Variants in THSD7B observed in about 807,000 individuals in gnomAD.
THSD7B encodes thrombospondin type-1 domain-containing protein 7B.
In THSD7B, 138 loss-of-function variants were observed where a neutral mutation model predicts 213.6. The ratio of observed to expected loss-of-function variants is 0.65; its 90% CI spans 0.56 to 0.74. THSD7B has a LOEUF of 0.74. THSD7B is among the 30% of genes least tolerant of loss of function. The pLI, the probability that THSD7B is intolerant of heterozygous loss-of-function variation, is 0.00. For missense variants in THSD7B, 1,931 were observed against 1,991.5 expected (o/e 0.97, Z 0.58); for synonymous variants, 742 against 687.0 (o/e 1.08, Z -1.25).
intron 2 of THSD7B, among the ~76,000 whole-genome samples, chr2:136,949,460 C>A (rs569586433): frequency 6.6e-6 from 1 of 152,290 alleles, no homozygotes; most frequent in South Asian, 2.1e-4. Flanking sequence ...ACTGAAATTT[C>A]GGAGGGTTGT....
chr2:137,009,569 C>T (rs555206722), intron 2 of THSD7B, among the ~76,000 whole-genome samples: 58 of 152,174 alleles, frequency 3.8e-4, no homozygotes, highest in Non-Finnish European at 6.8e-4. Flanking sequence ...CTGAGGAGGC[C>T]TCATAATCAT....
chr2:137,327,774 T>G (rs1684404937), intron 12 of THSD7B, among the ~76,000 whole-genome samples: 1 of 152,230 alleles, frequency 6.6e-6, no homozygotes, highest in African/African-American at 2.4e-5. Context: ...GATAATAAAA[T>G]TAGTTATACT....
intron 2 of THSD7B, among the ~76,000 whole-genome samples, chr2:136,933,855 A>G (rs1274831703): frequency 6.6e-6 from 1 of 152,166 alleles, no homozygotes; most frequent in Admixed American, 6.5e-5. Flanking sequence ...AATGTATTCT[A>G]CTGACCCAGA....
chr2:136,767,942 T>C (rs1268531722), intron 1 of THSD7B, among the ~76,000 whole-genome samples: 1 of 151,578 alleles, frequency 6.6e-6, no homozygotes, highest in Non-Finnish European at 1.5e-5. Context: ...AAGTTGTTGA[T>C]TGTTAGAGAG....
At chr2:137,117,891 A>G (rs1282670449) in intron 5 of THSD7B, among the ~76,000 whole-genome samples, 1 of 152,178 alleles carries the variant, frequency 6.6e-6, no homozygotes, top group African/African-American at 2.4e-5. Context: ...AAATCCTGAC[A>G]TTGATATGGT....
chr2:136,910,291 A>G (rs1481560646), intron 2 of THSD7B, among the ~76,000 whole-genome samples: 1 of 152,064 alleles, frequency 6.6e-6, no homozygotes, highest in Admixed American at 6.6e-5. Flanking sequence ...AAGAAACAAA[A>G]CTGGATGTAT....
intron 15 of THSD7B, among the ~76,000 whole-genome samples, chr2:137,497,216 C>CAG (rs2105130432): frequency 3.7e-5 from 1 of 26,760 alleles, no homozygotes; most frequent in East Asian, 2.6e-3. Flanking sequence ...CACACAGACA[C>CAG]ACACACACAC....
At chr2:136,837,649 T>C (rs996996360) in intron 1 of THSD7B, among the ~76,000 whole-genome samples, 3 of 152,236 alleles carry the variant, frequency 2.0e-5, no homozygotes, top group Non-Finnish European at 4.4e-5. Flanking sequence ...GAAGCTCCAT[T>C]TGGACGTGGC....
At chr2:137,349,201 T>C (rs747343771) in intron 12 of THSD7B, among the ~76,000 whole-genome samples, 22 of 151,766 alleles carry the variant, frequency 1.4e-4, no homozygotes, top group Admixed American at 2.6e-4. Context: ...TGGGAAATCA[T>C]ATGTAAGCAA....
At chr2:137,285,761 C>A (rs941255837) in intron 12 of THSD7B, among the ~76,000 whole-genome samples, 1 of 152,056 alleles carries the variant, frequency 6.6e-6, no homozygotes, top group African/African-American at 2.4e-5. Flanking sequence ...CACAACATTT[C>A]ATAATCTAGT....
At chr2:137,334,972 G>A (rs1476063327) in intron 12 of THSD7B, among the ~76,000 whole-genome samples, 1 of 152,160 alleles carries the variant, frequency 6.6e-6, no homozygotes, top group East Asian at 1.9e-4. Context: ...CTCTCCTGCT[G>A]ACCTGTCAAG....
chr2:137,187,014 T>G (rs779833150), intron 7 of THSD7B, among the ~76,000 whole-genome samples: 1 of 148,524 alleles, frequency 6.7e-6, no homozygotes, highest in African/African-American at 2.6e-5. Flanking sequence ...AAGAGTAAAA[T>G]ATCTAGTGCC....
chr2:137,538,505 C>T (rs1310000718), intron 15 of THSD7B: 1 of 517,564 alleles, frequency 1.9e-6, no homozygotes, highest in Non-Finnish European at 3.9e-6. Context: ...GTTGGTGTTG[C>T]AATCTGTTTT....
chr2:137,270,927 A>C (rs1020475361), intron 10 of THSD7B, among the ~76,000 whole-genome samples: 1 of 152,158 alleles, frequency 6.6e-6, no homozygotes, highest in Non-Finnish European at 1.5e-5. Flanking sequence ...AACCATAGAA[A>C]AATTAAATAC....
chr2:137,492,460 TG>T (rs1679433569), intron 15 of THSD7B, among the ~76,000 whole-genome samples: 1 of 152,190 alleles, frequency 6.6e-6, no homozygotes, highest in Admixed American at 6.6e-5. Flanking sequence ...TGAAACAAGT[TG>T]TACTGTGGTA....
intron 7 of THSD7B, among the ~76,000 whole-genome samples, chr2:137,209,354 T>G (rs1681050972): frequency 6.6e-6 from 1 of 151,972 alleles, no homozygotes; most frequent in African/African-American, 2.4e-5. Flanking sequence ...ACAAGGTGTC[T>G]CTCCCCATTA....
At chr2:137,409,867 A>G (rs1300554959) in intron 13 of THSD7B, among the ~76,000 whole-genome samples, 1 of 152,208 alleles carries the variant, frequency 6.6e-6, no homozygotes, top group African/African-American at 2.4e-5. Flanking sequence ...TAGACCTTAA[A>G]GATAAGGAAT....
At chr2:137,381,857 C>T (rs1408566402) in intron 12 of THSD7B, among the ~76,000 whole-genome samples, 1 of 152,212 alleles carries the variant, frequency 6.6e-6, no homozygotes. Flanking sequence ...GTGCTGCAGC[C>T]AGGCTGGGGT....
intron 15 of THSD7B, among the ~76,000 whole-genome samples, chr2:137,485,884 C>A (rs1027712496): frequency 2.0e-5 from 3 of 152,042 alleles, no homozygotes; most frequent in Non-Finnish European, 2.9e-5. Context: ...AATTTCATAT[C>A]CAGCCAAACT....
Sources: gnomAD v4.1 joint callset for allele counts (sites outside exome capture counted in the v4.1 genomes callset) on GRCh38, gnomAD v4.1.1 for gene constraint, MANE v1.5 for transcripts, NCBI Gene and HGNC (gene_info 2026-07-23, HGNC 2026-07-21) for gene names.